The following GABRB3 variants were observed in gnomAD, a reference collection of about 807,000 sequenced individuals.
The protein encoded by GABRB3 is gamma-aminobutyric acid type A receptor subunit beta3.
A neutral mutation model predicts 52.1 loss-of-function variants in GABRB3; 14 were observed. The observed-to-expected ratio is 0.27, with a 90% CI of 0.18 to 0.42. The LOEUF (loss-of-function observed/expected upper bound fraction) is 0.42, where lower values mean the gene tolerates loss of function less well. GABRB3 is among the 10% of genes least tolerant of loss of function. The pLI, the probability that GABRB3 is intolerant of heterozygous loss-of-function variation, is 1.00. For synonymous variants in GABRB3, 260 were observed against 232.3 expected (o/e 1.12, Z -1.08); for missense variants, 307 against 609.1 (o/e 0.50, Z 5.22).
chr15:26,740,034 C>T (rs1344300856), intron 3 of GABRB3, among the ~76,000 whole-genome samples: 1 of 152,158 alleles, frequency 6.6e-6, no homozygotes, highest in Non-Finnish European at 1.5e-5. Context: ...TTTTAAACAA[C>T]GTGTCAACAA....
chr15:26,739,410 T>G (rs2140158714), intron 3 of GABRB3, among the ~76,000 whole-genome samples: 1 of 152,166 alleles, frequency 6.6e-6, no homozygotes, highest in East Asian at 1.9e-4. Context: ...CAAAAACTAC[T>G]TGTTTATAGC....
At chr15:26,742,947 T>TTTTTTTTTTTTTTTTTTTG in intron 3 of GABRB3, among the ~76,000 whole-genome samples, 1 of 104,168 alleles carries the variant, frequency 9.6e-6, no homozygotes, top group Non-Finnish European at 1.9e-5. Context: ...TTTTTTTTTT[T>TTTTTTTTTTTTTTTTTTTG]GAGACAGAGT....
chr15:26,756,177 T>TA (rs1161155211), intron 3 of GABRB3, among the ~76,000 whole-genome samples: 4 of 152,136 alleles, frequency 2.6e-5, no homozygotes, highest in African/African-American at 7.2e-5. Context: ...TGGAAAATAA[T>TA]AGATATTATT....
chr15:26,748,881 C>T (rs1250983665), intron 3 of GABRB3, among the ~76,000 whole-genome samples: 1 of 151,984 alleles, frequency 6.6e-6, no homozygotes, highest in Non-Finnish European at 1.5e-5. Context: ...CAAAATTTAG[C>T]CAGGCGTGGT....
chr15:26,767,553 T>C (rs1273117360), intron 3 of GABRB3, among the ~76,000 whole-genome samples: 1 of 152,192 alleles, frequency 6.6e-6, no homozygotes, highest in Non-Finnish European at 1.5e-5. Flanking sequence ...GTGACTTGCC[T>C]GAGGCTAGAC....
intron 3 of GABRB3, among the ~76,000 whole-genome samples, chr15:26,689,868 C>T (rs957589010): frequency 3.9e-5 from 6 of 152,056 alleles, no homozygotes; most frequent in Admixed American, 6.5e-5. Flanking sequence ...AAGGGAGGGA[C>T]GATAACGAGG....
chr15:26,676,621 T>G (rs1453254698), intron 3 of GABRB3, among the ~76,000 whole-genome samples: 1 of 152,216 alleles, frequency 6.6e-6, no homozygotes, highest in Non-Finnish European at 1.5e-5. Context: ...TAGTGAGCTA[T>G]TCTATCTTGC....
At chr15:26,659,730 G>T (rs1887480567) in intron 3 of GABRB3, among the ~76,000 whole-genome samples, 1 of 152,150 alleles carries the variant, frequency 6.6e-6, no homozygotes, top group South Asian at 2.1e-4. Flanking sequence ...CAAGAAAGGA[G>T]TAGTTTATTA....
chr15:26,670,257 C>T (rs1454175315), intron 3 of GABRB3, among the ~76,000 whole-genome samples: 1 of 152,092 alleles, frequency 6.6e-6, no homozygotes, highest in Non-Finnish European at 1.5e-5. Context: ...TCCAGGTGGG[C>T]ATGGAGGGGC....
intron 3 of GABRB3, among the ~76,000 whole-genome samples, chr15:26,719,405 A>G (rs181569941): frequency 7.2e-5 from 11 of 152,356 alleles, no homozygotes; most frequent in Admixed American, 5.9e-4. Context: ...TCAGGCATAA[A>G]ATCATTATAT....
At chr15:26,647,157 T>G (rs1887039537) in intron 3 of GABRB3, among the ~76,000 whole-genome samples, 1 of 152,230 alleles carries the variant, frequency 6.6e-6, no homozygotes, top group Non-Finnish European at 1.5e-5. Context: ...ATAACTTCTT[T>G]GGAGAAATAT....
chr15:26,731,089 TTAA>T (rs1276668888), intron 3 of GABRB3, among the ~76,000 whole-genome samples: 2 of 152,128 alleles, frequency 1.3e-5, no homozygotes, highest in South Asian at 2.1e-4. Flanking sequence ...TCTCTCTCTA[TTAA>T]TATTTTCAAC....
At chr15:26,651,010 C>A (rs1298024282) in intron 3 of GABRB3, among the ~76,000 whole-genome samples, 1 of 152,204 alleles carries the variant, frequency 6.6e-6, no homozygotes, top group Non-Finnish European at 1.5e-5. Flanking sequence ...CAACCTCATT[C>A]TTCTTGGATG....
intron 3 of GABRB3, among the ~76,000 whole-genome samples, chr15:26,754,565 T>A (rs890439468): frequency 6.6e-6 from 1 of 152,258 alleles, no homozygotes; most frequent in Non-Finnish European, 1.5e-5. Flanking sequence ...ATTTTGTCTC[T>A]GCATCAGTAG....
At chr15:26,711,465 C>T (rs113084479) in intron 3 of GABRB3, among the ~76,000 whole-genome samples, 23 of 35,994 alleles carry the variant, frequency 6.4e-4, no homozygotes, top group East Asian at 4.4e-3. Context: ...CTGCTCCGCT[C>T]GGCCTCATAT....
At chr15:26,643,284 G>A (rs1234623780) in intron 3 of GABRB3, among the ~76,000 whole-genome samples, 19 of 152,168 alleles carry the variant, frequency 1.2e-4, no homozygotes, top group Admixed American at 1.2e-3. Flanking sequence ...CTGCAGTCAT[G>A]GTGGAACACA....
intron 3 of GABRB3, among the ~76,000 whole-genome samples, chr15:26,747,776 G>A (rs1015842709): frequency 3.9e-5 from 6 of 151,998 alleles, no homozygotes; most frequent in South Asian, 2.1e-4. Context: ...GTTCACAATC[G>A]GGGGAAAAAA....
chr15:26,597,092 C>T lies in GABRB3; in HGVS notation c.462-13678G>A, dbSNP rs535450023. Among the ~76,000 whole-genome samples, 5 of 152,224 alleles carry T rather than the reference C, an allele frequency of 3.3e-5. No homozygotes were observed. The South Asian group carries it at 1.0e-3, about 32-fold the overall frequency. ...CCATTAATCTATAAATGGATTAATC[C>T]ATTCATGAGGACAGAGCCATCATGA... is the stretch of plus-strand genomic sequence containing the variant. On this transcript the variant is annotated intron_variant, in intron 4 of 8. Coordinates refer to ENST00000311550, the MANE Select transcript of GABRB3 (RefSeq NM_000814.6).
At chr15:26,688,270 A>G (rs1888469753) in intron 3 of GABRB3, among the ~76,000 whole-genome samples, 1 of 152,182 alleles carries the variant, frequency 6.6e-6, no homozygotes. Context: ...GATCAATGGG[A>G]CAGGATGAGC....
Sources: gnomAD v4.1 joint callset for allele counts (sites outside exome capture counted in the v4.1 genomes callset) on GRCh38, gnomAD v4.1.1 for gene constraint, MANE v1.5 for transcripts, NCBI Gene and HGNC (gene_info 2026-07-23, HGNC 2026-07-21) for gene names.